NPHP4: variants seen among roughly 807,000 people sequenced by gnomAD.
NPHP4 encodes nephrocystin-4.
NPHP4 carries 151 observed loss-of-function variants against 155.8 expected under a neutral mutation model. That is an observed-to-expected ratio of 0.97 (90% CI 0.85 to 1.11). The LOEUF is 1.11. Ranked by LOEUF, NPHP4 falls within the 50% of genes least tolerant of loss-of-function variation. NPHP4 has a pLI of 0.00. For synonymous variants in NPHP4, 845 were observed against 816.8 expected (o/e 1.03, Z -0.59); for missense variants, 1,956 against 1,925.7 (o/e 1.02, Z -0.29).
At chr1:5,879,688 G>C (rs921720457) in intron 19 of NPHP4, 2 of 492,456 alleles carry the variant, frequency 4.1e-6, no homozygotes, top group African/African-American at 3.9e-5. Context: ...TGGGTCCACA[G>C]GGGCATCTAG....
intron 9 of NPHP4, among the ~76,000 whole-genome samples, chr1:5,945,625 T>C (rs1368293087): frequency 7.2e-5 from 11 of 152,162 alleles, no homozygotes; most frequent in Non-Finnish European, 1.5e-5. Context: ...AGGCACACCC[T>C]AAGACCGTCC....
intron 5 of NPHP4, among the ~76,000 whole-genome samples, chr1:5,965,354 A>G (rs1651289351): frequency 6.6e-6 from 1 of 152,076 alleles, no homozygotes. Flanking sequence ...CACAGCCTCC[A>G]CTCAGGGCCA....
intron 9 of NPHP4, among the ~76,000 whole-genome samples, chr1:5,936,152 A>G (rs911688460): frequency 6.6e-6 from 1 of 152,224 alleles, no homozygotes; most frequent in African/African-American, 2.4e-5. Flanking sequence ...TGTGCAAAGT[A>G]TCTGTCAGTT....
intron 17 of NPHP4, among the ~76,000 whole-genome samples, chr1:5,887,708 CT>C (rs1643896813): frequency 6.6e-6 from 1 of 152,206 alleles, no homozygotes; most frequent in African/African-American, 2.4e-5. Flanking sequence ...TAAAGTATGA[CT>C]GGATTTACCC....
chr1:5,873,772 G>A (rs1458459233), intron 22 of NPHP4: 3 of 283,704 alleles, frequency 1.1e-5, no homozygotes, highest in Non-Finnish European at 2.0e-5. Flanking sequence ...ACCCCCTGCA[G>A]GCACACCTCA....
chr1:5,883,197 A>G (rs1302050662), intron 18 of NPHP4, among the ~76,000 whole-genome samples: 1 of 152,212 alleles, frequency 6.6e-6, no homozygotes, highest in Non-Finnish European at 1.5e-5. Context: ...AAGGGACGGC[A>G]GCCTGAACCA....
rs199583130 is a variant in NPHP4 at position 5,864,351 on chromosome 1, G to T, written c.3983C>A (p.Pro1328Gln). 6.2e-7 allele frequency: 1 copy of T among 1,607,372 alleles called. No individual in the cohort carries two copies. Among genetic ancestry groups the T allele is most frequent in the Non-Finnish European group, 8.5e-7 (1 of 1,176,516 alleles). The change falls in exon 28 of 30, where the codon CCG becomes CAG. Residue 1328 changes from proline (P) to glutamine (Q), a missense_variant. Coordinates refer to ENST00000378156, the MANE Select transcript of NPHP4 (RefSeq NM_015102.5). The stretch of plus-strand genomic sequence containing the variant: ...ACACATACAGACCTTGGAGATGAGC[G>T]GCTGGCGGCAGCAGAGGCACACGAG... ...SWLVCLCCRQ[P>Q]LISKAFEIML...
chr1:5,873,799 CA>C, intron 22 of NPHP4: 2 of 279,736 alleles, frequency 7.1e-6, no homozygotes, highest in South Asian at 3.4e-5. Context: ...ACCCCCTGCA[CA>C]CAAGTGCACA....
rs754483760 is a variant in NPHP4, at chr1:5,865,187, T to C, written c.3731A>G (p.Gln1244Arg). ...AAGGACAAGGGACAGGCGGGTCAGCTGGCCTGCGACGCAGGAGACATCCAC... is the reference window on the plus strand; with the variant it reads ...AAGGACAAGGGACAGGCGGGTCAGCCGGCCTGCGACGCAGGAGACATCCAC... ...QRVDVSCVAGQLTRLSLVLRG... is the reference protein window; with the variant it reads ...QRVDVSCVAGRLTRLSLVLRG... The change falls in exon 27 of 30, where the codon CAG becomes CGG. Residue 1244 changes from glutamine to arginine, a missense_variant. Gln to Arg is a conservative substitution (Grantham distance 43). Coordinates refer to ENST00000378156, the MANE Select transcript of NPHP4 (RefSeq NM_015102.5). 6.2e-7 allele frequency: 1 copy of C among 1,612,570 alleles called. No homozygotes were observed. The highest frequency in any genetic ancestry group is 1.3e-5 in the African/African-American group (1 of 75,046).
At chr1:5,878,810 G>C (rs1208630922) in intron 19 of NPHP4, among the ~76,000 whole-genome samples, 1 of 152,124 alleles carries the variant, frequency 6.6e-6, no homozygotes, top group Non-Finnish European at 1.5e-5. Context: ...CTGGCTCCTG[G>C]AGCTCAGGGA....
chr1:5,975,296 G>A (rs1653345925), intron 3 of NPHP4, among the ~76,000 whole-genome samples: 1 of 152,188 alleles, frequency 6.6e-6, no homozygotes, highest in South Asian at 2.1e-4. Context: ...AAACTGCCTG[G>A]TACAGAACAC....
intron 11 of NPHP4, among the ~76,000 whole-genome samples, chr1:5,922,806 G>A (rs1185860740): frequency 6.7e-6 from 1 of 148,340 alleles, no homozygotes; most frequent in Non-Finnish European, 1.5e-5. Flanking sequence ...ACTGCCTGCA[G>A]TCCTGGCTTA....
At chr1:5,954,265 C>A (rs1648762739) in intron 6 of NPHP4, among the ~76,000 whole-genome samples, 1 of 151,932 alleles carries the variant, frequency 6.6e-6, no homozygotes, top group Non-Finnish European at 1.5e-5. Flanking sequence ...ATTCATCCTG[C>A]TGAATAAGAA....
At chr1:5,935,437 C>G (rs376613493) in intron 9 of NPHP4, among the ~76,000 whole-genome samples, 45 of 152,330 alleles carry the variant, frequency 3.0e-4, no homozygotes, top group African/African-American at 1.0e-3. Context: ...GCATATGACT[C>G]TAAGCCACAC....
At chr1:5,940,096 C>T (rs1424572501) in intron 9 of NPHP4, among the ~76,000 whole-genome samples, 7 of 152,160 alleles carry the variant, frequency 4.6e-5, no homozygotes, top group Admixed American at 3.3e-4. Flanking sequence ...ATTTGGGGTG[C>T]TATAATTTTA....
intron 6 of NPHP4, among the ~76,000 whole-genome samples, chr1:5,955,706 T>C (rs1175262814): frequency 2.0e-5 from 3 of 152,150 alleles, no homozygotes; most frequent in Non-Finnish European, 4.4e-5. Context: ...GTTGGTACCA[T>C]AGAAGCGGAG....
rs766846678 is a variant in NPHP4 at position 5,887,471 on chromosome 1, A to G, written c.2305-5T>C. ...CCGGCCTTGGCGGAGGAGATGCTGC[A>G]GAAGAGAAAAGCGCGTTCAGAGGCT... On this transcript the variant is annotated splice_polypyrimidine_tract_variant and splice_region_variant and intron_variant, in intron 17 of 29. Coordinates refer to ENST00000378156, the MANE Select transcript of NPHP4 (RefSeq NM_015102.5). 4 of 1,612,668 alleles carry G rather than the reference A, an allele frequency of 2.5e-6. No individual in the cohort carries two copies. The South Asian group carries it at 4.4e-5, about 18-fold the overall frequency.
intron 22 of NPHP4, among the ~76,000 whole-genome samples, chr1:5,874,211 C>T (rs564977570): frequency 6.8e-4 from 77 of 113,698 alleles, no homozygotes; most frequent in African/African-American, 2.4e-3. Flanking sequence ...TTTAAGAAGC[C>T]CTTCCAACCA....
At chr1:5,952,934 T>C (rs1411424757) in intron 6 of NPHP4, 98 bp from the exon 7 acceptor site, 4 of 1,166,774 alleles carry the variant, frequency 3.4e-6, no homozygotes, top group African/African-American at 3.1e-5. Flanking sequence ...AGCCGGGGCC[T>C]GCAGCAACGA....
Sources: gnomAD v4.1 joint callset for allele counts (sites outside exome capture counted in the v4.1 genomes callset) on GRCh38, gnomAD v4.1.1 for gene constraint, MANE v1.5 for transcripts, NCBI Gene and HGNC (gene_info 2026-07-23, HGNC 2026-07-21) for gene names.